ATG16L2: variants seen among roughly 807,000 people sequenced by gnomAD.
The protein encoded by ATG16L2 is autophagy related 16 like 2.
In ATG16L2, 77 loss-of-function variants were observed where a neutral mutation model predicts 84.7. The observed-to-expected ratio is 0.91, with a 90% CI of 0.76 to 1.10. The LOEUF (loss-of-function observed/expected upper bound fraction) is 1.10. ATG16L2 is among the 50% of genes least tolerant of loss of function. The probability of loss-of-function intolerance (pLI) is 0.00; values close to 1 mark genes in which losing one functional copy is unlikely to be tolerated. For missense variants in ATG16L2, 782 were observed against 817.6 expected (o/e 0.96, Z 0.53); for synonymous variants, 361 against 342.8 (o/e 1.05, Z -0.59).
At chr11:72,842,792 C>G in exon 6 of ATG16L2, 1 of 1,613,972 alleles carries the variant, frequency 6.2e-7, no homozygotes, top group Non-Finnish European at 8.5e-7. Flanking sequence ...GAAAAGATAA[C>G]TCATCATCTG....
chr11:72,835,436 GGAGAGGTGGTGGT>G (rs1182895344), intron 5 of ATG16L2, among the ~76,000 whole-genome samples: 4 of 152,070 alleles, frequency 2.6e-5, no homozygotes, highest in Non-Finnish European at 5.9e-5. Flanking sequence ...GTGGTGGTGA[GGAGAGGTGGTGGT>G]GAGAAGAGTT....
At position 72,822,353 on chromosome 11, in the gene ATG16L2, CG is replaced by C. The variant is rs781308425; in HGVS notation, c.644+61del. 1.6e-5 allele frequency: 25 copies of C among 1,548,378 alleles called. No homozygotes were observed. In the African/African-American group the frequency reaches 3.2e-4, roughly 20 times the overall value. ...AGGCCCCGCCCCTGCAGGGAGGAGT[CG>C]GGCCTCGCCGGTGTCTGGAAGGGAG... On this transcript the variant is annotated intron_variant, in intron 5 of 17. Coordinates refer to ENST00000321297, the MANE Select transcript of ATG16L2 (RefSeq NM_033388.2). This position sits in a 1 kb window ranked among gnomAD's most constrained non-coding sequence, Gnocchi z 4.2.
intron 5 of ATG16L2, among the ~76,000 whole-genome samples, chr11:72,835,929 G>A (rs1860716525): frequency 6.6e-6 from 1 of 151,934 alleles, no homozygotes; most frequent in African/African-American, 2.4e-5. Context: ...TGTATTTTCG[G>A]TAGAGACTGG....
At chr11:72,829,042 A>C (rs1860528666) in intron 17 of ATG16L2, 58 bp downstream of exon 17, 1 of 1,551,968 alleles carries the variant, frequency 6.4e-7, no homozygotes, top group Non-Finnish European at 8.9e-7. Context: ...GGCTGATTCC[A>C]GGTTCTGACA....
intron 5 of ATG16L2, among the ~76,000 whole-genome samples, chr11:72,835,565 GGCAGA>G (rs1860708667): frequency 6.6e-6 from 1 of 152,102 alleles, no homozygotes; most frequent in African/African-American, 2.4e-5. Flanking sequence ...GCTGTCAAGT[GGCAGA>G]GCCAGGATTT....
exon 6 of ATG16L2, chr11:72,843,478 C>T: frequency 6.2e-7 from 1 of 1,613,792 alleles, no homozygotes; most frequent in South Asian, 1.1e-5. Context: ...TCTCCATCTT[C>T]AATCACTTCT....
chr11:72,828,922 G>C lies in ATG16L2; in HGVS notation c.1710G>C (p.Gly570=). The change falls in exon 17 of 18, where the codon GGG becomes GGC. Residue 570 remains glycine (G), a synonymous_variant. Transcript: ENST00000321297. ...ATGCACTGGCAGGCTCCTGTGATGGGGCCCTTTACATCTGGGATGTGGACA... is the reference window on the plus strand; with the variant it reads ...ATGCACTGGCAGGCTCCTGTGATGGCGCCCTTTACATCTGGGATGTGGACA... The part of the protein sequence containing the change: ...RSYALAGSCD[G]ALYIWDVDTG... The C allele has an allele frequency of 1.9e-6, 3 of 1,614,136 alleles. No individual in the cohort carries two copies. The highest frequency in any genetic ancestry group is 2.5e-6 in the Non-Finnish European group (3 of 1,180,030).
rs776745903 is a variant in ATG16L2 at position 72,826,575 on chromosome 11, G to A, written c.1231G>A (p.Glu411Lys). ...NQAAQLWKVG[E>K]AQSKETLSGH... ...GGCTGCCCAGCTCTGGAAGGTGGGG[G>A]AGGCACAGTCCAAGGTGAGGCCTGA... The change falls in exon 12 of 18, where the codon GAG becomes AAG. Residue 411 changes from glutamate (E) to lysine (K), a missense_variant. Transcript: ENST00000321297. 1.2e-6 allele frequency: 2 copies of A among 1,614,160 alleles called. No individual in the cohort carries two copies. Among genetic ancestry groups the A allele is most frequent in the East Asian group, 2.2e-5 (1 of 44,886 alleles).
At position 72,822,580 on chromosome 11, in the gene ATG16L2, CT is replaced by C; in HGVS notation, c.710+38del. The C allele has an allele frequency of 1.5e-6, 2 of 1,341,906 alleles. No individual in the cohort carries two copies. The highest frequency in any genetic ancestry group is 2.1e-6 in the Non-Finnish European group (2 of 962,392). 83.1% of individuals were successfully genotyped at this position (1,341,906 alleles called of 1,614,324 possible). A position where few individuals can be genotyped will look rare whatever the true frequency, so the allele number is the denominator to read the frequency against. ...GATGGGCCGGTCCGACCCTTGCGTT[CT>C]GCCTCCCGCCCCGCCTGCCTGCGGC... On this transcript the variant is annotated intron_variant, in intron 6 of 17. Coordinates refer to ENST00000321297, the MANE Select transcript of ATG16L2 (RefSeq NM_033388.2). The surrounding 1 kb of genome is among the most constrained non-coding windows in gnomAD (Gnocchi z 4.2).
At position 72,827,202 on chromosome 11, in the gene ATG16L2, A is replaced by G. The variant is rs372774100; in HGVS notation, c.1381A>G (p.Asn461Asp). 52 of 1,613,882 alleles carry G rather than the reference A, an allele frequency of 3.2e-5. No homozygotes were observed. The highest frequency in any genetic ancestry group is 3.4e-6 in the Non-Finnish European group (4 of 1,179,928). The change falls in exon 14 of 18, where the codon AAT becomes GAT. Residue 461 changes from asparagine to aspartate, a missense_variant. Asn to Asp is a conservative substitution (Grantham distance 23). Transcript: ENST00000321297. ...LGRAYCSRTI[N>D]VLSYCNDVVC... ...TTGGTCCCCAGGCTCCAGGACCATCAATGTCCTTTCCTACTGTAATGACGT... is the reference window on the plus strand; with the variant it reads ...TTGGTCCCCAGGCTCCAGGACCATCGATGTCCTTTCCTACTGTAATGACGT...
intron 8 of ATG16L2, 127 bp downstream of exon 8, chr11:72,824,249 G>C: frequency 8.4e-7 from 1 of 1,189,312 alleles, no homozygotes; most frequent in Non-Finnish European, 1.2e-6. Context: ...TGAGTCTGTT[G>C]GGCCTTGGAG....
At chr11:72,828,693 G>C in intron 15 of ATG16L2, 36 bp from the exon 16 acceptor site, 1 of 1,613,336 alleles carries the variant, frequency 6.2e-7, no homozygotes, top group Non-Finnish European at 8.5e-7. Context: ...GACTAGTGAT[G>C]ACCTCTGTTC....
At chr11:72,821,489 A>G in intron 3 of ATG16L2, 179 bp from the exon 4 acceptor site, 2 of 1,412,208 alleles carry the variant, frequency 1.4e-6, no homozygotes, top group South Asian at 1.5e-5. Flanking sequence ...AGGGCCTTCC[A>G]CTGCTCCACA....
Position 72,839,009 on chromosome 11 carries a change from T to C in ATG16L2, c.*22-3608T>C. ...CTCAGAAATGTTGTGAGCACGTGCT[T>C]TCAACCTAGTCTTCACTATTTCCTA... On this transcript the variant is annotated intron_variant, in intron 5 of 5. Coordinates refer to the ATG16L2 transcript ENST00000534905. 10 of 676,050 alleles carry C rather than the reference T, an allele frequency of 1.5e-5. No homozygotes were observed. In the South Asian group the frequency reaches 1.8e-4, roughly 12 times the overall value. The allele number at this position is 676,050 out of a possible 1,614,324, so 41.9% of individuals were successfully genotyped here. A position where few individuals can be genotyped will look rare whatever the true frequency, so the allele number is the denominator to read the frequency against.
chr11:72,822,557 T>C lies in ATG16L2; in HGVS notation c.710+14T>C. The C allele has an allele frequency of 6.2e-7, 1 of 1,611,610 alleles. No individual in the cohort carries two copies. The highest frequency in any genetic ancestry group is 8.5e-7 in the Non-Finnish European group (1 of 1,179,012). ...GAGCATCAGCGAGTAAGAGTGGGGATGGGCCGGTCCGACCCTTGCGTTCTG... is the reference window on the plus strand; with the variant it reads ...GAGCATCAGCGAGTAAGAGTGGGGACGGGCCGGTCCGACCCTTGCGTTCTG... On this transcript the variant is annotated intron_variant, in intron 6 of 17. Coordinates refer to ENST00000321297, the MANE Select transcript of ATG16L2 (RefSeq NM_033388.2). The surrounding 1 kb of genome is among the most constrained non-coding windows in gnomAD (Gnocchi z 4.2).
Position 72,824,768 on chromosome 11 carries a change from G to A in ATG16L2, c.922G>A (p.Ala308Thr). ...KKRRGHSIGGAPEQRYQIIPV... is the reference protein window; with the variant it reads ...KKRRGHSIGGTPEQRYQIIPV... ...GAGGAGAGGTCACTCAATTGGGGGA[G>A]CCCCTGAGCAGCGATACCAGATCAT... The change falls in exon 9 of 18, where the codon GCC becomes ACC. Residue 308 changes from alanine to threonine, a missense_variant. Coordinates refer to ENST00000321297, the MANE Select transcript of ATG16L2 (RefSeq NM_033388.2). 6.2e-7 allele frequency: 1 copy of A among 1,613,552 alleles called. No individual in the cohort carries two copies. The highest frequency in any genetic ancestry group is 8.5e-7 in the Non-Finnish European group (1 of 1,179,750).
intron 8 of ATG16L2, chr11:72,824,348 T>C: frequency 1.7e-6 from 1 of 597,966 alleles, no homozygotes; most frequent in South Asian, 2.0e-5. Context: ...TCATCCAAGG[T>C]CGTCACAGGG....
At position 72,822,865 on chromosome 11, in the gene ATG16L2, G is replaced by A; in HGVS notation, c.728G>A (p.Gly243Asp). ...VSISEGPDTLGDGMRERRETL... is the reference protein window; with the variant it reads ...VSISEGPDTLDDGMRERRETL... ...TCTCCTAGGGGCCCGGACACCCTAG[G>A]CGATGGGATGAGGGAGAGAAGGGAG... Residue 243 changes from glycine to aspartate, a missense_variant, in exon 7 of 18, where the codon GGC becomes GAC. Gly to Asp is a moderately conservative substitution (Grantham distance 94). Coordinates refer to ENST00000321297, the MANE Select transcript of ATG16L2 (RefSeq NM_033388.2). This position sits in a 1 kb window ranked among gnomAD's most constrained non-coding sequence, Gnocchi z 4.2. The A allele has an allele frequency of 1.9e-6, 3 of 1,565,496 alleles. No homozygotes were observed. Among genetic ancestry groups the A allele is most frequent in the South Asian group, 2.3e-5 (2 of 85,132 alleles).
chr11:72,841,664 C>G (rs1240107548), intron 5 of ATG16L2: 2 of 1,360,424 alleles, frequency 1.5e-6, no homozygotes, highest in Non-Finnish European at 2.0e-6. Flanking sequence ...GCTCTGTACT[C>G]ATGCCTTTTC....
Sources: allele counts gnomAD v4.1 joint callset (sites outside exome capture counted in the v4.1 genomes callset), GRCh38; gene constraint gnomAD v4.1.1; non-coding constraint Gnocchi (gnomAD v3.1); transcripts MANE v1.5; gene names NCBI Gene and HGNC (gene_info 2026-07-23, HGNC 2026-07-21).